AIG1: variants seen among roughly 807,000 people sequenced by gnomAD.
AIG1 encodes androgen induced 1.
AIG1 carries 23 observed loss-of-function variants against 31.4 expected under a neutral mutation model. That is an observed-to-expected ratio of 0.73 (90% CI 0.53 to 1.04). The LOEUF (loss-of-function observed/expected upper bound fraction) is 1.04. AIG1 is among the 50% of genes least tolerant of loss of function. AIG1 has a pLI of 0.00. For synonymous variants in AIG1, 100 were observed against 110.5 expected, an observed-to-expected ratio of 0.90 and a Z score of 0.60; for missense variants, 274 against 295.0, an observed-to-expected ratio of 0.93 and a Z score of 0.52.
rs1215978999 is a variant in AIG1 at position 143,258,800 on chromosome 6, A to T, written c.400-25310A>T. Reference sequence around the variant, plus strand: ...GTCCCCTCTGTGTTGGTGTTGGAAGATGTGGTCTAATGGGAGGTGTTTGGG... The same window carrying T: ...GTCCCCTCTGTGTTGGTGTTGGAAGTTGTGGTCTAATGGGAGGTGTTTGGG... On this transcript the variant is annotated intron_variant, in intron 3 of 5. Coordinates refer to ENST00000357847, the MANE Select transcript of AIG1 (RefSeq NM_016108.4). This position sits in a 1 kb window ranked among gnomAD's most constrained non-coding sequence, Gnocchi z 4.7. Among the ~76,000 whole-genome samples the T allele has an allele frequency of 6.6e-6, 1 of 152,194 alleles. No homozygotes were observed. The highest frequency in any genetic ancestry group is 2.4e-5 in the African/African-American group (1 of 41,442).
intron 1 of AIG1, among the ~76,000 whole-genome samples, chr6:143,076,429 AT>A (rs1777731817): frequency 6.6e-6 from 1 of 151,876 alleles, no homozygotes; most frequent in Admixed American, 6.6e-5. Flanking sequence ...CTTTTTCCAT[AT>A]TTTTACTTTT....
chr6:143,298,113 T>C lies in AIG1; in HGVS notation c.515+13888T>C, dbSNP rs1421734722. ...AGAAAGAAAATGGAGTCCTAGAGCCTGGGTTATGTACGTTTTCTACCTCTG... is the reference window on the plus strand; with the variant it reads ...AGAAAGAAAATGGAGTCCTAGAGCCCGGGTTATGTACGTTTTCTACCTCTG... On this transcript the variant is annotated intron_variant, in intron 4 of 5. Coordinates refer to ENST00000357847, the MANE Select transcript of AIG1 (RefSeq NM_016108.4). This position sits in a 1 kb window ranked among gnomAD's most constrained non-coding sequence, Gnocchi z 5.1. Among the ~76,000 whole-genome samples, 2 of 151,316 alleles carry C rather than the reference T, an allele frequency of 1.3e-5. No homozygotes were observed. The highest frequency in any genetic ancestry group is 3.9e-4 in the East Asian group (2 of 5,174).
intron 4 of AIG1, among the ~76,000 whole-genome samples, chr6:143,300,234 A>C (rs905891682): frequency 6.6e-6 from 1 of 152,214 alleles, no homozygotes; most frequent in Admixed American, 6.5e-5. Context: ...TTCAGAGATG[A>C]ATTTCTGCAC....
chr6:143,191,865 C>G (rs1789819363), intron 3 of AIG1, among the ~76,000 whole-genome samples: 1 of 152,138 alleles, frequency 6.6e-6, no homozygotes, highest in Non-Finnish European at 1.5e-5. Context: ...ATTTGGGTTT[C>G]AAAAGTTCAT....
rs1317561106 is a variant in AIG1 at position 143,297,829 on chromosome 6, G to GT, written c.515+13607dup. Among the ~76,000 whole-genome samples, 1 of 151,862 alleles carries GT rather than the reference G, an allele frequency of 6.6e-6. No individual in the cohort carries two copies. Among genetic ancestry groups the GT allele is most frequent in the African/African-American group, 2.4e-5 (1 of 41,344 alleles). ...AGTCTTCAATAGTTTATTTTTTCCA[G>GT]TTTGGGTATTTTTTTTTCTTTCTGG... On this transcript the variant is annotated intron_variant, in intron 4 of 5. Transcript: ENST00000357847. This position sits in a 1 kb window ranked among gnomAD's most constrained non-coding sequence, Gnocchi z 5.1.
intron 3 of AIG1, among the ~76,000 whole-genome samples, chr6:143,221,820 T>G (rs1420338475): frequency 6.6e-6 from 1 of 152,216 alleles, no homozygotes; most frequent in Non-Finnish European, 1.5e-5. Context: ...AAATCCTAGC[T>G]GTTGTGATTA....
intron 3 of AIG1, among the ~76,000 whole-genome samples, chr6:143,233,803 A>C (rs187636655): frequency 1.3e-5 from 2 of 152,314 alleles, no homozygotes; most frequent in African/African-American, 4.8e-5. Context: ...TATGTGCAGA[A>C]AACTCTTTAG....
intron 3 of AIG1, among the ~76,000 whole-genome samples, chr6:143,207,012 G>C (rs150390968): frequency 1.3e-5 from 2 of 152,142 alleles, no homozygotes; most frequent in Admixed American, 1.3e-4. Context: ...TGCCAATTAA[G>C]ATGTCATAAG....
At position 143,229,784 on chromosome 6, in the gene AIG1, C is replaced by CAAAAAAA. The variant is rs751464049; in HGVS notation, c.400-54312_400-54306dup. ...GCCTCTCGTTTCTGGACTCTCAGAA[C>CAAAAAAA]AAAAAAAAAAAAAAAAAAAAGGATC... On this transcript the variant is annotated intron_variant, in intron 3 of 5. Transcript: ENST00000357847. 2.4e-4 allele frequency among the ~76,000 whole-genome samples: 19 copies of CAAAAAAA among 80,588 alleles called. 2 individuals are homozygous for CAAAAAAA. The highest frequency in any genetic ancestry group is 7.8e-4 in the South Asian group (2 of 2,576). 52.9% of individuals were successfully genotyped at this position (80,588 alleles called of 152,430 possible).
chr6:143,210,942 A>G (rs954770800), intron 3 of AIG1, among the ~76,000 whole-genome samples: 1 of 152,206 alleles, frequency 6.6e-6, no homozygotes, highest in African/African-American at 2.4e-5. Context: ...GTAGAAGCCA[A>G]TGTGTTTTAT....
intron 3 of AIG1, among the ~76,000 whole-genome samples, chr6:143,202,685 C>T (rs1236904160): frequency 6.6e-5 from 10 of 152,124 alleles, no homozygotes. Flanking sequence ...TCTGCATTCC[C>T]TCGTGCCCCT....
Position 143,076,747 on chromosome 6 carries a change from A to G in AIG1, c.141+15681A>G, listed in dbSNP as rs966959342. The stretch of plus-strand genomic sequence containing the variant: ...TAGTGCAGTGGCACGATCTCAGCTC[A>G]CTGCAAGCTCCGCTTCCTGGTTCAA... On this transcript the variant is annotated intron_variant, in intron 1 of 5. Transcript: ENST00000357847. Among the ~76,000 whole-genome samples, 13 of 147,954 alleles carry G rather than the reference A, an allele frequency of 8.8e-5. No homozygotes were observed. The South Asian group carries it at 2.8e-3, about 31-fold the overall frequency.
chr6:143,257,334 AAAAACAAAAAC>A lies in AIG1; in HGVS notation c.400-26760_400-26750del, dbSNP rs926256642. 1.9e-4 allele frequency among the ~76,000 whole-genome samples: 29 copies of A among 152,364 alleles called. 1 individual carries two copies. Among genetic ancestry groups the A allele is most frequent in the Admixed American group, 1.6e-3 (24 of 15,306 alleles). ...TTTACAAGTAGCATAACTTTGTAAA[AAAAACAAAAAC>A]AAAACAAAAACAAAAAAAAATTGTT... On this transcript the variant is annotated intron_variant, in intron 3 of 5. Coordinates refer to ENST00000357847, the MANE Select transcript of AIG1 (RefSeq NM_016108.4).
At chr6:143,146,947 C>T (rs115442431) in intron 2 of AIG1, among the ~76,000 whole-genome samples, 1,867 of 152,102 alleles carry the variant, frequency 0.012, 22 homozygotes, top group African/African-American at 0.018. Context: ...GGGAAGGTGA[C>T]GCAGAAAATC....
intron 3 of AIG1, among the ~76,000 whole-genome samples, chr6:143,221,141 A>G (rs997624387): frequency 1.3e-5 from 2 of 152,212 alleles, no homozygotes; most frequent in Non-Finnish European, 2.9e-5. Flanking sequence ...TAATAGTGAT[A>G]TTCTTTTTCT....
chr6:143,108,437 C>T (rs1028805968), intron 1 of AIG1, among the ~76,000 whole-genome samples: 1 of 152,110 alleles, frequency 6.6e-6, no homozygotes, highest in Non-Finnish European at 1.5e-5. Flanking sequence ...GCACAACAAG[C>T]GAAATAGAAT....
intron 2 of AIG1, among the ~76,000 whole-genome samples, chr6:143,141,239 C>T (rs1174046513): frequency 1.3e-5 from 2 of 152,168 alleles, no homozygotes; most frequent in Non-Finnish European, 2.9e-5. Context: ...CTTTCTTTCT[C>T]TCTCACCTCA....
intron 3 of AIG1, among the ~76,000 whole-genome samples, chr6:143,260,990 G>A (rs1795736227): frequency 6.6e-6 from 1 of 152,210 alleles, no homozygotes. Flanking sequence ...TAGCTGGTGG[G>A]AAGAGGAGGA....
At chr6:143,137,501 G>A (rs1335499774) in intron 2 of AIG1, among the ~76,000 whole-genome samples, 1 of 152,192 alleles carries the variant, frequency 6.6e-6, no homozygotes, top group Admixed American at 6.5e-5. Flanking sequence ...AAACTTGAAA[G>A]GTAGGGTCCT....
Sources: gnomAD v4.1 joint callset for allele counts (sites outside exome capture counted in the v4.1 genomes callset) on GRCh38, gnomAD v4.1.1 for gene constraint, Gnocchi (gnomAD v3.1) non-coding constraint, MANE v1.5 for transcripts, NCBI Gene and HGNC (gene_info 2026-07-23, HGNC 2026-07-21) for gene names.